The following CSMD1 variants were observed in gnomAD, a reference collection of about 807,000 sequenced individuals.
CSMD1 encodes the protein CUB and Sushi multiple domains 1.
In CSMD1, 213 loss-of-function variants were observed where a neutral mutation model predicts 417.5. The observed-to-expected ratio is 0.51, with a 90% CI of 0.46 to 0.57. The LOEUF (loss-of-function observed/expected upper bound fraction) is 0.57, where lower values mean the gene tolerates loss of function less well. Among genes scored for constraint, CSMD1 ranks in the 20% least tolerant of loss-of-function variants. The pLI is 0.00. For synonymous variants in CSMD1, 2,862 were observed against 1,736.8 expected (o/e 1.65, Z -16.11); for missense variants, 6,923 against 4,529.7 (o/e 1.53, Z -15.17).
intron 3 of CSMD1, among the ~76,000 whole-genome samples, chr8:4,335,954 G>A (rs1010724045): frequency 6.6e-6 from 1 of 152,090 alleles, no homozygotes; most frequent in Non-Finnish European, 1.5e-5. Context: ...AGCACAGGGA[G>A]GCTCTCACAG....
At chr8:4,872,573 C>T (rs947098040) in intron 1 of CSMD1, among the ~76,000 whole-genome samples, 2 of 152,008 alleles carry the variant, frequency 1.3e-5, no homozygotes, top group Non-Finnish European at 2.9e-5. Flanking sequence ...AACTGTGAGT[C>T]AATTAAAACA....
chr8:4,371,651 C>A (rs967903192), intron 3 of CSMD1, among the ~76,000 whole-genome samples: 1 of 152,120 alleles, frequency 6.6e-6, no homozygotes, highest in Non-Finnish European at 1.5e-5. Flanking sequence ...TTCTTTCTTA[C>A]GTCTTAAAGT....
intron 5 of CSMD1, among the ~76,000 whole-genome samples, chr8:3,763,635 G>C (rs1222790874): frequency 2.0e-5 from 3 of 152,100 alleles, no homozygotes; most frequent in Non-Finnish European, 4.4e-5. Flanking sequence ...AAATTACCCA[G>C]TCTCAAGTAT....
intron 11 of CSMD1, among the ~76,000 whole-genome samples, chr8:3,493,033 C>T (rs1382099974): frequency 1.3e-5 from 2 of 151,908 alleles, no homozygotes; most frequent in East Asian, 1.9e-4. Context: ...TGGTTCACAC[C>T]TGTAATCCCC....
At chr8:4,084,750 C>T (rs934976982) in intron 3 of CSMD1, among the ~76,000 whole-genome samples, 1 of 151,732 alleles carries the variant, frequency 6.6e-6, no homozygotes, top group Non-Finnish European at 1.5e-5. Context: ...CCCCCACCCC[C>T]CTACCCAAAG....
intron 2 of CSMD1, among the ~76,000 whole-genome samples, chr8:4,453,127 CAT>C (rs1442626391): frequency 2.6e-5 from 4 of 151,998 alleles, no homozygotes; most frequent in African/African-American, 9.7e-5. Context: ...TCCTTGGACA[CAT>C]GTGTCACCAA....
intron 26 of CSMD1, among the ~76,000 whole-genome samples, chr8:3,273,806 T>C (rs765061482): frequency 1.3e-4 from 20 of 152,210 alleles, no homozygotes; most frequent in Non-Finnish European, 2.9e-4. Flanking sequence ...ATTGTATCTA[T>C]TTGATTCCTC....
In CSMD1 at chr8:4,310,461, G is replaced by A. The variant is rs565635965; in HGVS notation, c.415+109492C>T. Among the ~76,000 whole-genome samples the A allele has an allele frequency of 4.6e-5, 7 of 152,296 alleles. No individual in the cohort carries two copies. In the East Asian group the frequency reaches 5.8e-4, roughly 13 times the overall value. ...TGTGCAGAAGTAGGAAGGATGAACA[G>A]CATGCGTTATCTTTTATCTGCTGTT... On this transcript the variant is annotated intron_variant, in intron 3 of 69. Transcript: ENST00000635120.
intron 4 of CSMD1, among the ~76,000 whole-genome samples, chr8:4,010,789 C>T (rs980935503): frequency 4.6e-5 from 7 of 152,204 alleles, no homozygotes; most frequent in Non-Finnish European, 1.0e-4. Flanking sequence ...TACCATAACT[C>T]TGCCATCATC....
chr8:4,649,370 T>A (rs115876587), intron 1 of CSMD1, among the ~76,000 whole-genome samples: 1,791 of 152,304 alleles, frequency 0.012, 39 homozygotes, highest in African/African-American at 0.04. Context: ...TTTCCATATT[T>A]TAATCATCAC....
intron 26 of CSMD1, among the ~76,000 whole-genome samples, chr8:3,265,398 G>C (rs925784552): frequency 6.6e-6 from 1 of 152,110 alleles, no homozygotes; most frequent in South Asian, 2.1e-4. Flanking sequence ...TCTTGTGAAG[G>C]GGGGAGTGTA....
At chr8:3,633,447 T>C (rs1283619580) in intron 7 of CSMD1, among the ~76,000 whole-genome samples, 4 of 152,166 alleles carry the variant, frequency 2.6e-5, no homozygotes, top group Non-Finnish European at 1.5e-5. Flanking sequence ...ATAATGCAAA[T>C]AATATCTAAC....
intron 5 of CSMD1, among the ~76,000 whole-genome samples, chr8:3,804,421 A>G (rs1800619923): frequency 6.6e-6 from 1 of 152,202 alleles, no homozygotes; most frequent in Non-Finnish European, 1.5e-5. Flanking sequence ...TTGTTCCAGA[A>G]AATGAAAAAT....
chr8:3,596,227 A>G (rs1801087639), intron 8 of CSMD1, among the ~76,000 whole-genome samples: 1 of 152,158 alleles, frequency 6.6e-6, no homozygotes, highest in Admixed American at 6.5e-5. Context: ...AGCCTGCACC[A>G]CCGTCCAGCT....
intron 3 of CSMD1, among the ~76,000 whole-genome samples, chr8:4,406,113 A>C (rs1041671823): frequency 1.3e-5 from 2 of 152,168 alleles, no homozygotes; most frequent in African/African-American, 4.8e-5. Flanking sequence ...TTCACAGCGG[A>C]ACCAAACAGC....
intron 42 of CSMD1, among the ~76,000 whole-genome samples, chr8:3,112,547 C>A (rs957600768): frequency 1.3e-5 from 2 of 152,140 alleles, no homozygotes; most frequent in Admixed American, 6.5e-5. Flanking sequence ...TGATTCTTGC[C>A]ATGATTTATC....
intron 3 of CSMD1, among the ~76,000 whole-genome samples, chr8:4,290,896 T>C (rs1244900102): frequency 6.6e-6 from 1 of 152,218 alleles, no homozygotes; most frequent in Non-Finnish European, 1.5e-5. Context: ...GTCAGCTCTC[T>C]GTAATTCCGC....
In CSMD1 at chr8:3,884,703, C is replaced by A. The variant is rs77615332; in HGVS notation, c.818+113200G>T. Among the ~76,000 whole-genome samples the A allele has an allele frequency of 4.5e-3, 691 of 152,122 alleles. 15 individuals carry two copies. The highest frequency in any genetic ancestry group is 0.034 in the Admixed American group (512 of 15,266). ...AATTATAATTTTAGTACTAACTCAA[C>A]TGAGAAAATGTCCATGATTGGCCTT... On this transcript the variant is annotated intron_variant, in intron 5 of 69. Transcript: ENST00000635120.
intron 5 of CSMD1, among the ~76,000 whole-genome samples, chr8:3,855,794 T>C (rs1209005163): frequency 6.6e-6 from 1 of 152,328 alleles, no homozygotes; most frequent in African/African-American, 2.4e-5. Flanking sequence ...ACAAGCTTTC[T>C]GTAGAATTTT....
Sources: allele counts gnomAD v4.1 joint callset (sites outside exome capture counted in the v4.1 genomes callset), GRCh38; gene constraint gnomAD v4.1.1; transcripts MANE v1.5; gene names NCBI Gene and HGNC (gene_info 2026-07-23, HGNC 2026-07-21).